Variants in ARHGEF4 observed in about 807,000 individuals in gnomAD.
The protein encoded by ARHGEF4 is Rho guanine nucleotide exchange factor 4.
In ARHGEF4, 119 loss-of-function variants were observed where a neutral mutation model predicts 162.0. The ratio of observed to expected loss-of-function variants is 0.73; its 90% CI spans 0.63 to 0.86. The LOEUF (loss-of-function observed/expected upper bound fraction) is 0.86, where lower values mean the gene tolerates loss of function less well. ARHGEF4 is among the 40% of genes least tolerant of loss of function. ARHGEF4 has a pLI of 0.00. For missense variants in ARHGEF4, 2,488 were observed against 2,456.0 expected (o/e 1.01, Z -0.28); for synonymous variants, 1,014 against 979.9 (o/e 1.03, Z -0.65).
intron 1 of ARHGEF4, among the ~76,000 whole-genome samples, chr2:130,894,762 A>G (rs1680058231): frequency 6.6e-6 from 1 of 151,788 alleles, no homozygotes; most frequent in Non-Finnish European, 1.5e-5. Flanking sequence ...GGCTCCTGTC[A>G]TGGCCTCTCC....
chr2:130,915,930 G>A lies in ARHGEF4; in HGVS notation c.1984G>A (p.Glu662Lys). ...AACACTGCCCCGTGACTTTCCTAAG[G>A]AAAGACCAGAATCTCCCTTGAGCAC... ...PETLPRDFPK[E>K]RPESPLSTGE... The change falls in exon 2 of 14, where the codon GAA becomes AAA. Residue 662 changes from glutamate (E) to lysine (K), a missense_variant. Coordinates refer to ENST00000409359, the MANE Select transcript of ARHGEF4 (RefSeq NM_001367493.1). 3.9e-6 allele frequency: 6 copies of A among 1,550,614 alleles called. No homozygotes were observed. Among genetic ancestry groups the A allele is most frequent in the Non-Finnish European group, 5.2e-6 (6 of 1,146,996 alleles).
At chr2:130,963,599 G>T (rs2105196063) in intron 4 of ARHGEF4, 1 of 148,448 alleles carries the variant, frequency 6.7e-6, no homozygotes, top group Non-Finnish European at 1.5e-5. Flanking sequence ...CTGCGGCACC[G>T]AGGACGACCC....
intron 1 of ARHGEF4, among the ~76,000 whole-genome samples, chr2:130,845,734 T>A (rs115580280): frequency 0.05 from 7,554 of 152,254 alleles, 203 homozygotes; most frequent in Non-Finnish European, 0.058. Context: ...TGAGAAGACC[T>A]GGAAGCGACT....
intron 4 of ARHGEF4, among the ~76,000 whole-genome samples, chr2:131,022,870 A>G (rs565950772): frequency 6.6e-6 from 1 of 151,948 alleles, no homozygotes; most frequent in Non-Finnish European, 1.5e-5. Flanking sequence ...AACCCTTTTT[A>G]AGGCAATGAA....
chr2:131,006,617 C>T lies in ARHGEF4; in HGVS notation c.3986-21328C>T, dbSNP rs534103917. Among the ~76,000 whole-genome samples the T allele has an allele frequency of 3.9e-5, 6 of 152,322 alleles. No individual in the cohort carries two copies. The East Asian group carries it at 1.2e-3, about 29-fold the overall frequency. ...GCTAGATTCTCACCATTTTCCCAAA[C>T]AGGAAATCCTTCCAGAGTAGAATCT... On this transcript the variant is annotated intron_variant, in intron 4 of 13. Coordinates refer to ENST00000409359, the MANE Select transcript of ARHGEF4 (RefSeq NM_001367493.1).
chr2:130,929,802 C>T, intron 2 of ARHGEF4: 1 of 181,462 alleles, frequency 5.5e-6, no homozygotes, highest in Admixed American at 5.1e-5. Context: ...GTCTCCAGGG[C>T]TGCTCTTGCC....
At chr2:130,979,607 G>A (rs999104971) in intron 4 of ARHGEF4, among the ~76,000 whole-genome samples, 1 of 151,886 alleles carries the variant, frequency 6.6e-6, no homozygotes, top group Non-Finnish European at 1.5e-5. Context: ...TTGGTAGCGG[G>A]AGCCTGTAAT....
chr2:130,955,025 A>G (rs1379309294), intron 4 of ARHGEF4, among the ~76,000 whole-genome samples: 1 of 151,616 alleles, frequency 6.6e-6, no homozygotes, highest in Non-Finnish European at 1.5e-5. Flanking sequence ...ATCTATCTTC[A>G]AGTTTGCTAA....
At chr2:130,993,206 C>A (rs1400949137) in intron 4 of ARHGEF4, among the ~76,000 whole-genome samples, 2 of 152,188 alleles carry the variant, frequency 1.3e-5, no homozygotes, top group South Asian at 2.1e-4. Context: ...TTTTAATTAT[C>A]ATTCAGTTTG....
chr2:130,851,024 T>C (rs1681373033), intron 1 of ARHGEF4, among the ~76,000 whole-genome samples: 1 of 152,254 alleles, frequency 6.6e-6, no homozygotes, highest in Non-Finnish European at 1.5e-5. Flanking sequence ...TTCATTCTGC[T>C]GCACAACCAA....
At chr2:130,918,720 C>T (rs183286575) in intron 2 of ARHGEF4, among the ~76,000 whole-genome samples, 62 of 152,280 alleles carry the variant, frequency 4.1e-4, no homozygotes, top group African/African-American at 1.4e-3. Flanking sequence ...CCCACAAGGC[C>T]GAGTGGACAG....
At chr2:131,038,130 AC>A (rs1159336980) in intron 5 of ARHGEF4, among the ~76,000 whole-genome samples, 1 of 152,158 alleles carries the variant, frequency 6.6e-6, no homozygotes, top group Non-Finnish European at 1.5e-5. Flanking sequence ...ATGGCAGGGC[AC>A]TGTCTACCTG....
intron 4 of ARHGEF4, among the ~76,000 whole-genome samples, chr2:130,976,349 C>CTCTG (rs1553434499): frequency 1.8e-4 from 27 of 147,984 alleles, no homozygotes; most frequent in Admixed American, 6.0e-4. Flanking sequence ...GTGTGTGTGT[C>CTCTG]TGTGTGTGTG....
chr2:130,936,475 C>T (rs2105119648), intron 3 of ARHGEF4, among the ~76,000 whole-genome samples: 1 of 152,306 alleles, frequency 6.6e-6, no homozygotes, highest in South Asian at 2.1e-4. Flanking sequence ...TCTAGACATT[C>T]CAGCTCTCTT....
chr2:131,041,735 C>T, intron 9 of ARHGEF4, 80 bp from the exon 10 acceptor site: 1 of 1,551,306 alleles, frequency 6.4e-7, no homozygotes, highest in Non-Finnish European at 8.7e-7. Context: ...AAAGCAGCTC[C>T]ACACGTGGGG....
At chr2:130,978,066 C>T (rs532244130) in intron 4 of ARHGEF4, among the ~76,000 whole-genome samples, 28 of 152,322 alleles carry the variant, frequency 1.8e-4, no homozygotes, top group African/African-American at 6.5e-4. Flanking sequence ...TTCCTGAGAT[C>T]CCTTTTCTGA....
At chr2:130,866,040 C>G (rs1296441483) in intron 1 of ARHGEF4, among the ~76,000 whole-genome samples, 6 of 152,028 alleles carry the variant, frequency 3.9e-5, no homozygotes, top group Non-Finnish European at 1.5e-5. Flanking sequence ...TAAGTTAGGT[C>G]CAGGGACCTG....
intron 1 of ARHGEF4, among the ~76,000 whole-genome samples, chr2:130,837,200 G>A (rs899105691): frequency 6.6e-6 from 1 of 152,156 alleles, no homozygotes; most frequent in Non-Finnish European, 1.5e-5. Flanking sequence ...TCGAGCGCGG[G>A]GAAGGACGGG....
rs538011560 is a variant in ARHGEF4 at position 130,959,720 on chromosome 2, G to A, written c.3985+13085G>A. On this transcript the variant is annotated intron_variant, in intron 4 of 13. Transcript: ENST00000409359. ...TTGTGGATAAGGAGAGAATGACACA[G>A]GAAGATTAAGTAATTTGCCCAAGGT... 2.0e-5 allele frequency among the ~76,000 whole-genome samples: 3 copies of A among 152,296 alleles called. 1 individual carries two copies. The South Asian group carries it at 6.2e-4, about 32-fold the overall frequency.
Sources: allele counts gnomAD v4.1 joint callset (sites outside exome capture counted in the v4.1 genomes callset), GRCh38; gene constraint gnomAD v4.1.1; transcripts MANE v1.5; gene names NCBI Gene and HGNC (gene_info 2026-07-23, HGNC 2026-07-21).